Variants in NOX4 observed in about 807,000 individuals in gnomAD.
The protein encoded by NOX4 is NADPH oxidase 4, also known as kidney oxidase-1.
Under a neutral mutation model 87.6 loss-of-function variants are expected in NOX4, and 69 were observed. The observed-to-expected ratio is 0.79, with a 90% CI of 0.65 to 0.96. The LOEUF (loss-of-function observed/expected upper bound fraction) is 0.96, where lower values mean the gene tolerates loss of function less well. Ranked by LOEUF, NOX4 falls within the 40% of genes least tolerant of loss-of-function variation. The pLI, the probability that NOX4 is intolerant of heterozygous loss-of-function variation, is 0.00. For missense variants in NOX4, 680 were observed against 681.5 expected, an observed-to-expected ratio of 1.00 and a Z score of 0.02; for synonymous variants, 275 against 238.2, an observed-to-expected ratio of 1.15 and a Z score of -1.42.
chr11:89,468,702 AT>A (rs1279860748), intron 2 of NOX4, among the ~76,000 whole-genome samples: 2 of 151,990 alleles, frequency 1.3e-5, no homozygotes, highest in Non-Finnish European at 2.9e-5. Context: ...GTATTCTTAT[AT>A]TTTTCCCTCT....
intron 11 of NOX4, among the ~76,000 whole-genome samples, chr11:89,382,232 C>T (rs1437364153): frequency 2.0e-5 from 3 of 151,900 alleles, no homozygotes; most frequent in Non-Finnish European, 2.9e-5. Flanking sequence ...GGCAACCTTC[C>T]ACCCTTCATT....
At chr11:89,352,783 A>G (rs1937659257) in intron 13 of NOX4, among the ~76,000 whole-genome samples, 1 of 152,134 alleles carries the variant, frequency 6.6e-6, no homozygotes, top group Admixed American at 6.6e-5. Flanking sequence ...ATGAGCAAGT[A>G]AAGTAGTTTT....
the NOX4 span, among the ~76,000 whole-genome samples, chr11:89,565,529 G>A: frequency 2.6e-5 from 4 of 151,770 alleles, no homozygotes; most frequent in East Asian, 1.9e-4. Context: ...AATTTGAAAG[G>A]GAAATAATAT....
chr11:89,417,500 C>T (rs544153924), intron 8 of NOX4, among the ~76,000 whole-genome samples: 69 of 152,092 alleles, frequency 4.5e-4, no homozygotes, highest in African/African-American at 1.5e-3. Flanking sequence ...GCTTGTTTTG[C>T]AAAGATAAAC....
chr11:89,439,559 G>A (rs1160634649), intron 6 of NOX4, among the ~76,000 whole-genome samples: 1 of 152,112 alleles, frequency 6.6e-6, no homozygotes, highest in African/African-American at 2.4e-5. Context: ...CCAGGGTAAT[G>A]TGCCTCAGTC....
chr11:89,505,662 G>A, the NOX4 span, among the ~76,000 whole-genome samples: 1 of 151,836 alleles, frequency 6.6e-6, no homozygotes, highest in Admixed American at 6.6e-5. Context: ...TTTGATGGGA[G>A]TGTAATGTGA....
At chr11:89,528,448 C>T in the NOX4 span, among the ~76,000 whole-genome samples, 3 of 152,120 alleles carry the variant, frequency 2.0e-5, no homozygotes, top group Non-Finnish European at 4.4e-5. Context: ...AGATTTGTGT[C>T]CCCACCCAAA....
intron 6 of NOX4, among the ~76,000 whole-genome samples, chr11:89,436,184 C>T (rs1944073411): frequency 6.6e-6 from 1 of 152,148 alleles, no homozygotes; most frequent in Non-Finnish European, 1.5e-5. Flanking sequence ...AATTCCCAGT[C>T]CACTGGTGGA....
intron 2 of NOX4, among the ~76,000 whole-genome samples, chr11:89,478,869 C>T (rs1019899265): frequency 2.0e-5 from 3 of 152,008 alleles, no homozygotes; most frequent in African/African-American, 7.2e-5. Context: ...GGGTTCTACA[C>T]AGTCCAAGCC....
the NOX4 span, among the ~76,000 whole-genome samples, chr11:89,540,056 T>G: frequency 6.6e-6 from 1 of 152,158 alleles, no homozygotes; most frequent in East Asian, 1.9e-4. Flanking sequence ...ACCTCAATTG[T>G]CATTCTTCTC....
chr11:89,452,535 T>C (rs1945008382), intron 2 of NOX4, among the ~76,000 whole-genome samples: 1 of 152,118 alleles, frequency 6.6e-6, no homozygotes, highest in Non-Finnish European at 1.5e-5. Context: ...ACCTCCTTTC[T>C]AATGTTTTTT....
the NOX4 span, among the ~76,000 whole-genome samples, chr11:89,570,195 C>T: frequency 1.3e-5 from 2 of 152,150 alleles, no homozygotes; most frequent in African/African-American, 2.4e-5. Flanking sequence ...GAAGTCATGT[C>T]CTTTGCAGCA....
intron 7 of NOX4, among the ~76,000 whole-genome samples, chr11:89,426,023 G>A (rs1033564370): frequency 1.3e-5 from 2 of 152,060 alleles, no homozygotes; most frequent in Non-Finnish European, 2.9e-5. Context: ...CTGAAAAACT[G>A]AATGTGTCCA....
intron 8 of NOX4, among the ~76,000 whole-genome samples, chr11:89,405,080 T>TTG (rs71472257): frequency 0.032 from 4,202 of 133,264 alleles, 73 homozygotes; most frequent in South Asian, 0.052. Context: ...AAAAGTCAGA[T>TTG]TGTGTGTGTG....
At position 89,490,467 on chromosome 11, in the gene NOX4, C is replaced by A; in HGVS notation, c.144G>T (p.Gln48His). 6.2e-7 allele frequency: 1 copy of A among 1,608,936 alleles called. No individual in the cohort carries two copies. The highest frequency in any genetic ancestry group is 8.5e-7 in the Non-Finnish European group (1 of 1,175,258). The change falls in exon 2 of 18, where the codon CAG becomes CAT. Residue 48 changes from glutamine (Q) to histidine (H), a missense_variant. Coordinates refer to ENST00000263317, the MANE Select transcript of NOX4 (RefSeq NM_016931.5). ...AGTTCACCTTACTTACCCCCAACATCTGGTGGAGGTAGTGATACTCTGGCC... is the reference window on the plus strand; with the variant it reads ...AGTTCACCTTACTTACCCCCAACATATGGTGGAGGTAGTGATACTCTGGCC... Reference protein sequence around the residue: ...NQGPEYHYLHQMLGLGLCLSR... With the variant: ...NQGPEYHYLHHMLGLGLCLSR...
chr11:89,431,542 A>T (rs929331339), intron 7 of NOX4, among the ~76,000 whole-genome samples: 1 of 152,224 alleles, frequency 6.6e-6, no homozygotes, highest in African/African-American at 2.4e-5. Flanking sequence ...TAGGCAAAGG[A>T]TATGAACAGA....
At chr11:89,496,825 T>C (rs1345830446), upstream of NOX4, among the ~76,000 whole-genome samples, 1 of 152,198 alleles carries the variant, frequency 6.6e-6, no homozygotes, top group Non-Finnish European at 1.5e-5. Flanking sequence ...AGCAACCCTC[T>C]TATTGTTTTT....
chr11:89,396,052 T>A (rs1415886255), intron 11 of NOX4, among the ~76,000 whole-genome samples: 1 of 152,160 alleles, frequency 6.6e-6, no homozygotes, highest in Non-Finnish European at 1.5e-5. Flanking sequence ...AAGTCATAGG[T>A]AGCTTGATGG....
the NOX4 span, among the ~76,000 whole-genome samples, chr11:89,552,907 C>A: frequency 6.6e-6 from 1 of 152,066 alleles, no homozygotes; most frequent in African/African-American, 2.4e-5. Flanking sequence ...ATTCCAATAC[C>A]AGTTAGGCAT....
Sources: gnomAD v4.1 joint callset for allele counts (sites outside exome capture counted in the v4.1 genomes callset) on GRCh38, gnomAD v4.1.1 for gene constraint, MANE v1.5 for transcripts, NCBI Gene and HGNC (gene_info 2026-07-23, HGNC 2026-07-21) for gene names.